Variants in GRID2 observed in about 807,000 individuals in gnomAD.
GRID2 encodes the protein glutamate receptor ionotropic, delta-2.
In GRID2, 33 loss-of-function variants were observed where a neutral mutation model predicts 114.8. That is an observed-to-expected ratio of 0.29 (90% CI 0.22 to 0.38). GRID2 has a LOEUF of 0.38. Among genes scored for constraint, GRID2 ranks in the 10% least tolerant of loss-of-function variants. The pLI is 1.00. For missense variants in GRID2, 1,184 were observed against 1,257.7 expected, an observed-to-expected ratio of 0.94 and a Z score of 0.89; for synonymous variants, 505 against 449.9, an observed-to-expected ratio of 1.12 and a Z score of -1.55.
chr4:92,932,175 A>C (rs909480277), intron 2 of GRID2, among the ~76,000 whole-genome samples: 8 of 151,446 alleles, frequency 5.3e-5, no homozygotes, highest in African/African-American at 1.9e-4. Context: ...ACTGTCAAAG[A>C]ATTTTTATCC....
intron 2 of GRID2, among the ~76,000 whole-genome samples, chr4:92,780,630 A>G (rs564922223): frequency 1.1e-4 from 16 of 152,250 alleles, no homozygotes; most frequent in African/African-American, 3.6e-4. Context: ...TTAAGGTTTC[A>G]ATCCTTATGA....
chr4:92,411,660 T>TATATATATATATATAC (rs1412818341), intron 1 of GRID2, among the ~76,000 whole-genome samples: 3 of 137,074 alleles, frequency 2.2e-5, no homozygotes, highest in African/African-American at 8.6e-5. Context: ...TGTGTGTATA[T>TATATATATATATATAC]ATATATATAT....
chr4:92,683,238 G>A (rs906664043), intron 2 of GRID2, among the ~76,000 whole-genome samples: 11 of 151,510 alleles, frequency 7.3e-5, no homozygotes, highest in Admixed American at 2.0e-4. Context: ...GGCGGAGCTT[G>A]CAGTGAGTGG....
intron 3 of GRID2, among the ~76,000 whole-genome samples, chr4:93,096,540 G>A (rs184305615): frequency 1.3e-5 from 2 of 151,848 alleles, no homozygotes; most frequent in East Asian, 3.9e-4. Flanking sequence ...ATTTTAAATG[G>A]GTGAAAGCCT....
intron 2 of GRID2, among the ~76,000 whole-genome samples, chr4:92,846,088 T>C (rs1332755646): frequency 6.6e-6 from 1 of 152,132 alleles, no homozygotes; most frequent in African/African-American, 2.4e-5. Context: ...ATTACAGATT[T>C]CATAGCCACC....
chr4:92,918,124 G>T (rs190090308), intron 2 of GRID2, among the ~76,000 whole-genome samples: 284 of 152,256 alleles, frequency 1.9e-3, no homozygotes, highest in African/African-American at 6.6e-3. Context: ...TTGTGAGTGG[G>T]AGTTCACTCA....
At chr4:93,620,647 A>T (rs1475658296) in intron 13 of GRID2, among the ~76,000 whole-genome samples, 1 of 152,192 alleles carries the variant, frequency 6.6e-6, no homozygotes, top group African/African-American at 2.4e-5. Flanking sequence ...TTGAAAATGC[A>T]CTTTCCCATT....
intron 1 of GRID2, among the ~76,000 whole-genome samples, chr4:92,480,162 A>G (rs970681799): frequency 6.6e-6 from 1 of 152,120 alleles, no homozygotes; most frequent in Non-Finnish European, 1.5e-5. Context: ...AATGTTTTAC[A>G]TGAATTTGTT....
In GRID2 at chr4:93,256,489, C is replaced by A. The variant is rs1019983710; in HGVS notation, c.1245+17999C>A. ...TATGATGGGGCTGTTATATCAATCCCCTTTTCCAAGAAGCCATTTGGGTGA... is the reference window on the plus strand; with the variant it reads ...TATGATGGGGCTGTTATATCAATCCACTTTTCCAAGAAGCCATTTGGGTGA... On this transcript the variant is annotated intron_variant, in intron 8 of 15. Transcript: ENST00000282020. 2.0e-5 allele frequency among the ~76,000 whole-genome samples: 3 copies of A among 151,586 alleles called. No individual in the cohort carries two copies. The East Asian group carries it at 5.8e-4, about 29-fold the overall frequency.
At chr4:93,747,082 G>A (rs1291836995) in intron 14 of GRID2, among the ~76,000 whole-genome samples, 2 of 152,010 alleles carry the variant, frequency 1.3e-5, no homozygotes, top group Non-Finnish European at 2.9e-5. Flanking sequence ...CATTAGATCT[G>A]ATCATGACAC....
At chr4:92,507,995 A>G (rs1724058934) in intron 1 of GRID2, among the ~76,000 whole-genome samples, 1 of 152,028 alleles carries the variant, frequency 6.6e-6, no homozygotes, top group Non-Finnish European at 1.5e-5. Flanking sequence ...CTTCTTTCAT[A>G]AATTATTTCT....
chr4:93,608,682 G>T (rs2149658495), intron 13 of GRID2, among the ~76,000 whole-genome samples: 1 of 138,014 alleles, frequency 7.2e-6, no homozygotes, highest in Non-Finnish European at 1.6e-5. Context: ...TGGTGTATAT[G>T]TGCCCCATTT....
chr4:92,430,689 G>T (rs1013586319), intron 1 of GRID2, among the ~76,000 whole-genome samples: 1 of 152,038 alleles, frequency 6.6e-6, no homozygotes, highest in African/African-American at 2.4e-5. Context: ...ATATGGATTA[G>T]TTTGGGTAGT....
At chr4:93,155,731 G>A (rs1298120810) in intron 4 of GRID2, among the ~76,000 whole-genome samples, 1 of 151,790 alleles carries the variant, frequency 6.6e-6, no homozygotes, top group Non-Finnish European at 1.5e-5. Flanking sequence ...ACTTCATGTG[G>A]ACAGAGCATA....
chr4:92,571,345 T>C (rs1334816195), intron 1 of GRID2, among the ~76,000 whole-genome samples: 1 of 152,112 alleles, frequency 6.6e-6, no homozygotes, highest in East Asian at 1.9e-4. Context: ...ATCCTAAATA[T>C]ATATGCACCC....
At chr4:93,000,206 A>G (rs978863264) in intron 2 of GRID2, among the ~76,000 whole-genome samples, 1 of 151,808 alleles carries the variant, frequency 6.6e-6, no homozygotes, top group South Asian at 2.1e-4. Flanking sequence ...GAAATAATAT[A>G]TGTATTAGTG....
At chr4:92,997,209 A>T (rs1755255592) in intron 2 of GRID2, among the ~76,000 whole-genome samples, 1 of 152,176 alleles carries the variant, frequency 6.6e-6, no homozygotes, top group Non-Finnish European at 1.5e-5. Context: ...ATTATGTGTC[A>T]AGGCTGTGAA....
intron 14 of GRID2, among the ~76,000 whole-genome samples, chr4:93,655,545 G>A (rs1402170215): frequency 6.6e-6 from 1 of 152,044 alleles, no homozygotes; most frequent in Non-Finnish European, 1.5e-5. Flanking sequence ...AATTGTAAAA[G>A]CCGAAAGATA....
At chr4:92,954,588 G>A (rs987981927) in intron 2 of GRID2, among the ~76,000 whole-genome samples, 12 of 150,994 alleles carry the variant, frequency 7.9e-5, no homozygotes, top group Admixed American at 2.0e-4. Flanking sequence ...CACCATGCCC[G>A]GCTAATTTTT....
Sources: allele counts gnomAD v4.1 joint callset (sites outside exome capture counted in the v4.1 genomes callset), GRCh38; gene constraint gnomAD v4.1.1; transcripts MANE v1.5; gene names NCBI Gene and HGNC (gene_info 2026-07-23, HGNC 2026-07-21).